The following EAF2 variants were observed in gnomAD, a reference collection of about 807,000 sequenced individuals.
The protein encoded by EAF2 is ELL associated factor 2.
Under a neutral mutation model 29.4 loss-of-function variants are expected in EAF2, and 29 were observed. The observed-to-expected ratio is 0.99, with a 90% CI of 0.73 to 1.35. The LOEUF is 1.35. Ranked by LOEUF, EAF2 falls within the 40% of genes most tolerant of loss-of-function variation. EAF2 has a pLI of 0.00. For missense variants in EAF2, 292 were observed against 312.0 expected, an observed-to-expected ratio of 0.94 and a Z score of 0.48; for synonymous variants, 103 against 102.5, an observed-to-expected ratio of 1.00 and a Z score of -0.03.
intron 2 of EAF2, among the ~76,000 whole-genome samples, chr3:121,846,127 A>G (rs900502362): frequency 6.6e-6 from 1 of 152,166 alleles, no homozygotes; most frequent in African/African-American, 2.4e-5. Flanking sequence ...TTATGCATTA[A>G]TGAGATGGTT....
At chr3:121,880,169 G>T (rs1049734930) in intron 5 of EAF2, among the ~76,000 whole-genome samples, 16 of 151,924 alleles carry the variant, frequency 1.1e-4, no homozygotes, top group Admixed American at 1.1e-3. Context: ...TAAAGACAGG[G>T]TCTTGCTCCG....
At chr3:121,840,043 A>C (rs1302107515) in intron 1 of EAF2, among the ~76,000 whole-genome samples, 1 of 85,270 alleles carries the variant, frequency 1.2e-5, no homozygotes, top group Admixed American at 1.2e-4. Flanking sequence ...AAATACAAAA[A>C]TTAGCGGTCG....
chr3:121,848,486 T>A (rs181070423), intron 2 of EAF2, among the ~76,000 whole-genome samples: 1 of 152,226 alleles, frequency 6.6e-6, no homozygotes, highest in Non-Finnish European at 1.5e-5. Context: ...ATTAAGGGAA[T>A]GCAGCATTTA....
chr3:121,872,837 G>C (rs1453930483), intron 5 of EAF2, 49 bp downstream of exon 5: 4 of 1,569,744 alleles, frequency 2.5e-6, no homozygotes, highest in Non-Finnish European at 3.4e-6. Context: ...ATTTATAGTG[G>C]AGCCATATTG....
At chr3:121,875,910 G>A (rs1709087449) in intron 5 of EAF2, among the ~76,000 whole-genome samples, 2 of 151,810 alleles carry the variant, frequency 1.3e-5, no homozygotes, top group Admixed American at 1.3e-4. Context: ...CAATACAAGA[G>A]AGACAGAAAA....
chr3:121,872,016 A>G (rs1274008829), intron 4 of EAF2, among the ~76,000 whole-genome samples: 2 of 151,948 alleles, frequency 1.3e-5, no homozygotes, highest in African/African-American at 4.8e-5. Context: ...ATTTATAGCC[A>G]AAGTTATAAT....
At chr3:121,874,453 G>A (rs1172790540) in intron 5 of EAF2, among the ~76,000 whole-genome samples, 1 of 151,766 alleles carries the variant, frequency 6.6e-6, no homozygotes, top group Non-Finnish European at 1.5e-5. Flanking sequence ...GTAAAAGCTA[G>A]AAAAAATTTT....
chr3:121,839,290 G>T (rs192315541), intron 1 of EAF2, among the ~76,000 whole-genome samples: 1 of 152,292 alleles, frequency 6.6e-6, no homozygotes, highest in East Asian at 1.9e-4. Flanking sequence ...GGCAGCAGTT[G>T]GGTGGAGCAG....
rs1455018798 is a variant in EAF2 at position 121,872,687 on chromosome 3, G to T, written c.635G>T (p.Cys212Phe). Reference protein sequence around the residue: ...CKSSTSDTGNCVSGHPTMTQY... With the variant: ...CKSSTSDTGNFVSGHPTMTQY... ...TCCTCTACTTCTGATACAGGGAATT[G>T]TGTCTCAGGACATCCTACCATGACA... Residue 212 changes from cysteine (C) to phenylalanine (F), a missense_variant, in exon 5 of 6, where the codon TGT (cysteine) becomes TTT (phenylalanine). Coordinates refer to ENST00000273668, the MANE Select transcript of EAF2 (RefSeq NM_018456.6). The T allele has an allele frequency of 6.2e-7, 1 of 1,612,764 alleles. No homozygotes were observed. Among genetic ancestry groups the T allele is most frequent in the Admixed American group, 1.7e-5 (1 of 59,936 alleles).
At chr3:121,861,455 G>T (rs1239747485) in intron 4 of EAF2, among the ~76,000 whole-genome samples, 3 of 151,942 alleles carry the variant, frequency 2.0e-5, no homozygotes, top group African/African-American at 7.3e-5. Context: ...ATCTTTGTTG[G>T]TTTAAAGTCT....
At chr3:121,857,569 C>T (rs1021110904) in intron 4 of EAF2, among the ~76,000 whole-genome samples, 3 of 151,610 alleles carry the variant, frequency 2.0e-5, no homozygotes, top group Admixed American at 6.6e-5. Context: ...AAATGTTTAC[C>T]AAGAGCATAA....
chr3:121,854,829 T>C lies in EAF2; in HGVS notation c.338+6T>C, dbSNP rs370100094. 7.1e-6 allele frequency: 11 copies of C among 1,547,386 alleles called. No individual in the cohort carries two copies. The African/African-American group carries it at 1.6e-4, about 22-fold the overall frequency. ...ATCACTGTAAAAAAAACAAGGTATG[T>C]GGTTTAATGAAATAAATTATATTAT... On this transcript the variant is annotated splice_donor_region_variant and intron_variant, in intron 3 of 5. Coordinates refer to ENST00000273668, the MANE Select transcript of EAF2 (RefSeq NM_018456.6).
At chr3:121,870,952 G>A (rs1305386192) in intron 4 of EAF2, among the ~76,000 whole-genome samples, 1 of 152,080 alleles carries the variant, frequency 6.6e-6, no homozygotes, top group African/African-American at 2.4e-5. Flanking sequence ...GCTGGTTGGA[G>A]TGTAAAATCA....
Position 121,864,328 on chromosome 3 carries a change from C to T in EAF2, c.484+7172C>T, listed in dbSNP as rs1414107678. Among the ~76,000 whole-genome samples, 6 of 152,210 alleles carry T rather than the reference C, an allele frequency of 3.9e-5. No homozygotes were observed. In the East Asian group the frequency reaches 9.6e-4, roughly 24 times the overall value. On this transcript the variant is annotated intron_variant, in intron 4 of 5. Transcript: ENST00000273668. ...TCATTCTCTAATCGATTAGTAGCTC[C>T]TATACAAACAATAAAAAAGACAAGT...
intron 1 of EAF2, chr3:121,836,263 A>AT (rs1471590598): frequency 1.3e-4 from 20 of 152,118 alleles, no homozygotes; most frequent in African/African-American, 4.6e-4. Context: ...AACTGTAAGT[A>AT]TTTTTTCACT....
Position 121,835,322 on chromosome 3 carries a change from C to T in EAF2, c.37C>T (p.Arg13Cys). 3 of 1,614,228 alleles carry T rather than the reference C, an allele frequency of 1.9e-6. No homozygotes were observed. The highest frequency in any genetic ancestry group is 2.5e-6 in the Non-Finnish European group (3 of 1,180,034). Residue 13 changes from arginine (R) to cysteine (C), a missense_variant, in exon 1 of 6, where the codon CGC (arginine) becomes TGC (cysteine). Transcript: ENST00000273668. ...AGCGGGATTCTCACACCTAGACCGT[C>T]GCGAGCGGGTTCTCAAGTTAGGGGA... Reference protein sequence around the residue: ...SAAGFSHLDRRERVLKLGESF... With the variant: ...SAAGFSHLDRCERVLKLGESF...
intron 4 of EAF2, among the ~76,000 whole-genome samples, chr3:121,865,673 T>A (rs114793569): frequency 1.4e-4 from 20 of 144,338 alleles, no homozygotes; most frequent in African/African-American, 3.7e-4. Flanking sequence ...TAAAAAAAAA[T>A]ATTTTTTTAA....
intron 4 of EAF2, among the ~76,000 whole-genome samples, chr3:121,868,673 A>G (rs914207440): frequency 2.0e-5 from 3 of 152,226 alleles, no homozygotes; most frequent in African/African-American, 4.8e-5. Context: ...CCAGAAAGAC[A>G]TAAGTGTGTA....
At chr3:121,867,884 G>T (rs1367435013) in intron 4 of EAF2, among the ~76,000 whole-genome samples, 1 of 152,152 alleles carries the variant, frequency 6.6e-6, no homozygotes, top group Non-Finnish European at 1.5e-5. Context: ...GACAAGTCAG[G>T]TATGTATATT....
Sources: gnomAD v4.1 joint callset for allele counts (sites outside exome capture counted in the v4.1 genomes callset) on GRCh38, gnomAD v4.1.1 for gene constraint, MANE v1.5 for transcripts, NCBI Gene and HGNC (gene_info 2026-07-23, HGNC 2026-07-21) for gene names.